Variants in SNX29 observed in about 807,000 individuals in gnomAD.
SNX29 encodes the protein sorting nexin 29.
A neutral mutation model predicts 102.1 loss-of-function variants in SNX29; 78 were observed. The ratio of observed to expected loss-of-function variants is 0.76; its 90% confidence interval spans 0.64 to 0.92. The LOEUF (loss-of-function observed/expected upper bound fraction) is 0.92, where lower values mean the gene tolerates loss of function less well. Among genes scored for constraint, SNX29 ranks in the 40% least tolerant of loss-of-function variants. The pLI, the probability that SNX29 is intolerant of heterozygous loss-of-function variation, is 0.00. For missense variants in SNX29, 1,280 were observed against 1,061.7 expected (o/e 1.21, Z -2.86); for synonymous variants, 580 against 414.5 (o/e 1.40, Z -4.85).
chr16:12,450,330 G>C (rs1363608478), intron 18 of SNX29, among the ~76,000 whole-genome samples: 1 of 152,206 alleles, frequency 6.6e-6, no homozygotes, highest in Non-Finnish European at 1.5e-5. Context: ...TGGTGGGGCT[G>C]TTCTAGCTTT....
rs143884081 is a variant in SNX29 at position 12,566,305 on chromosome 16, A to G, written c.2319-2201A>G. On this transcript the variant is annotated intron_variant, in intron 20 of 20. Coordinates refer to ENST00000566228, the MANE Select transcript of SNX29 (RefSeq NM_032167.5). The stretch of plus-strand genomic sequence containing the variant: ...GGACTGGACAGAGACACGTGCCTCC[A>G]AGCTATGTCCTCTCCCTACCCCTTC... Among the ~76,000 whole-genome samples, 94 of 152,234 alleles carry G rather than the reference A, an allele frequency of 6.2e-4. 1 individual carries two copies. The highest frequency in any genetic ancestry group is 2.1e-3 in the African/African-American group (89 of 41,544).
intron 18 of SNX29, among the ~76,000 whole-genome samples, chr16:12,408,136 G>T (rs1003201461): frequency 3.3e-5 from 5 of 149,276 alleles, no homozygotes; most frequent in Non-Finnish European, 7.4e-5. Context: ...TCCGGCCTGG[G>T]TGGCAGAGCA....
At chr16:12,028,897 C>T (rs2057265144) in intron 4 of SNX29, among the ~76,000 whole-genome samples, 1 of 151,678 alleles carries the variant, frequency 6.6e-6, no homozygotes, top group African/African-American at 2.4e-5. Flanking sequence ...TACAGGTGCC[C>T]ACCACCATGC....
chr16:12,089,198 G>A (rs781050153), intron 11 of SNX29, among the ~76,000 whole-genome samples: 1 of 151,912 alleles, frequency 6.6e-6, no homozygotes, highest in Non-Finnish European at 1.5e-5. Context: ...GTGGCACCTG[G>A]CATCTGCCTG....
At chr16:12,369,388 G>C (rs2082601290) in intron 16 of SNX29, among the ~76,000 whole-genome samples, 1 of 151,834 alleles carries the variant, frequency 6.6e-6, no homozygotes, top group African/African-American at 2.4e-5. Flanking sequence ...GACCCACCTT[G>C]GCCTCCCAAA....
intron 15 of SNX29, among the ~76,000 whole-genome samples, chr16:12,291,723 G>A (rs2079801574): frequency 1.3e-5 from 2 of 152,216 alleles, no homozygotes; most frequent in African/African-American, 4.8e-5. Flanking sequence ...CTTGTGCTAA[G>A]ACAGGGAAGA....
intron 20 of SNX29, among the ~76,000 whole-genome samples, chr16:12,562,555 C>G (rs534881734): frequency 1.5e-4 from 23 of 152,220 alleles, no homozygotes; most frequent in Non-Finnish European, 3.2e-4. Flanking sequence ...ATCTAAGACA[C>G]TGTCCCCGTG....
chr16:12,567,784 T>C (rs1021769439), intron 20 of SNX29, among the ~76,000 whole-genome samples: 5 of 152,060 alleles, frequency 3.3e-5, no homozygotes, highest in Non-Finnish European at 5.9e-5. Context: ...TTTGAAAAAA[T>C]GCAACCACAT....
intron 10 of SNX29, among the ~76,000 whole-genome samples, chr16:12,069,395 A>G (rs1217223386): frequency 1.3e-5 from 2 of 151,470 alleles, no homozygotes; most frequent in African/African-American, 4.9e-5. Flanking sequence ...CCTCCCAAGT[A>G]GTTGGAATTA....
rs184872025 is a variant in SNX29, at chr16:12,331,026, C to T, written c.1783-25137C>T. Among the ~76,000 whole-genome samples the T allele has an allele frequency of 1.8e-3, 277 of 152,348 alleles. 1 individual carries two copies. Among genetic ancestry groups the T allele is most frequent in the African/African-American group, 6.3e-3 (260 of 41,590 alleles). Reference sequence around the variant, plus strand: ...TCAGTTTCTCATCTTCTTTGGGCCTCTGTAGCCAACTACAGTTCCTTGCTT... The same window carrying T: ...TCAGTTTCTCATCTTCTTTGGGCCTTTGTAGCCAACTACAGTTCCTTGCTT... On this transcript the variant is annotated intron_variant, in intron 15 of 20. Coordinates refer to ENST00000566228, the MANE Select transcript of SNX29 (RefSeq NM_032167.5).
At chr16:12,528,929 T>C (rs2076858545) in intron 20 of SNX29, among the ~76,000 whole-genome samples, 1 of 152,242 alleles carries the variant, frequency 6.6e-6, no homozygotes, top group African/African-American at 2.4e-5. Flanking sequence ...TCCTCACAAA[T>C]ATTACTTAAA....
intron 16 of SNX29, among the ~76,000 whole-genome samples, chr16:12,393,254 C>A (rs531487265): frequency 6.6e-6 from 1 of 152,176 alleles, no homozygotes; most frequent in Non-Finnish European, 1.5e-5. Context: ...AAATAAGATT[C>A]TCTTTCTTTG....
Position 12,407,140 on chromosome 16 carries a change from A to C in SNX29, c.2037+3611A>C, listed in dbSNP as rs1049743695. ...AGGATTTAGAAGGACCACACTGGCC[A>C]TGAAAGGCCACATCCTGCGGGGAGA... On this transcript the variant is annotated intron_variant, in intron 18 of 20. Transcript: ENST00000566228. Among the ~76,000 whole-genome samples, 72 of 150,812 alleles carry C rather than the reference A, an allele frequency of 4.8e-4. 1 individual carries two copies. In the Admixed American group the frequency reaches 4.8e-3, roughly 10 times the overall value.
rs112525688 is a variant in SNX29 at position 12,306,276 on chromosome 16, C to G, written c.1782+28240C>G. Reference sequence around the variant, plus strand: ...CTTAACCACTGTGGGTCTACATTTTCTCCTCACTCACACGGCATGGTGATG... The same window carrying G: ...CTTAACCACTGTGGGTCTACATTTTGTCCTCACTCACACGGCATGGTGATG... On this transcript the variant is annotated intron_variant, in intron 15 of 20. Transcript: ENST00000566228. Among the ~76,000 whole-genome samples the G allele has an allele frequency of 5.5e-3, 839 of 152,146 alleles. 7 individuals are homozygous for G. The highest frequency in any genetic ancestry group is 0.02 in the African/African-American group (812 of 41,520).
At chr16:12,271,651 C>G (rs1293718951) in intron 14 of SNX29, among the ~76,000 whole-genome samples, 2 of 150,426 alleles carry the variant, frequency 1.3e-5, no homozygotes, top group African/African-American at 2.4e-5. Context: ...GAGACAGAGT[C>G]CCACTCTGTT....
chr16:12,154,219 A>C (rs1477239326), intron 13 of SNX29, among the ~76,000 whole-genome samples: 1 of 152,112 alleles, frequency 6.6e-6, no homozygotes, highest in Non-Finnish European at 1.5e-5. Context: ...TTTTGGGAAG[A>C]ATTTGGTAGC....
intron 18 of SNX29, among the ~76,000 whole-genome samples, chr16:12,410,776 A>G (rs1366998479): frequency 6.6e-6 from 1 of 152,188 alleles, no homozygotes; most frequent in Non-Finnish European, 1.5e-5. Flanking sequence ...GCATATTTAT[A>G]TATGTAATGC....
chr16:12,106,404 C>T (rs758219019), intron 11 of SNX29, among the ~76,000 whole-genome samples: 9 of 152,068 alleles, frequency 5.9e-5, no homozygotes, highest in African/African-American at 9.7e-5. Context: ...CCCTTGTCCA[C>T]GTGTCCATCA....
At chr16:12,044,885 C>T in intron 5 of SNX29, among the ~76,000 whole-genome samples, 1 of 152,146 alleles carries the variant, frequency 6.6e-6, no homozygotes, top group African/African-American at 2.4e-5. Context: ...CTGGCCTACT[C>T]CTTTTTTTCG....
Sources: allele counts gnomAD v4.1 joint callset (sites outside exome capture counted in the v4.1 genomes callset), GRCh38; gene constraint gnomAD v4.1.1; transcripts MANE v1.5; gene names NCBI Gene and HGNC (gene_info 2026-07-23, HGNC 2026-07-21).